The following PDE4D variants were observed in gnomAD, a reference collection of about 807,000 sequenced individuals.
PDE4D encodes phosphodiesterase 4D.
In PDE4D, 24 loss-of-function variants were observed where a neutral mutation model predicts 87.4. The observed-to-expected ratio is 0.27, with a 90% CI of 0.20 to 0.39. The LOEUF (loss-of-function observed/expected upper bound fraction) is 0.39. Among genes scored for constraint, PDE4D ranks in the 10% least tolerant of loss-of-function variants. PDE4D has a pLI of 1.00. For synonymous variants in PDE4D, 384 were observed against 383.2 expected (o/e 1.00, Z -0.02); for missense variants, 714 against 1,041.0 (o/e 0.69, Z 4.32).
At chr5:59,635,655 T>C (rs1274395547) in intron 1 of PDE4D, among the ~76,000 whole-genome samples, 4 of 152,256 alleles carry the variant, frequency 2.6e-5, no homozygotes, top group East Asian at 1.9e-4. Flanking sequence ...ATCAACTCAA[T>C]AGATGCAGAA....
chr5:60,353,608 C>A (rs1451168314), intron 1 of PDE4D, among the ~76,000 whole-genome samples: 2 of 152,170 alleles, frequency 1.3e-5, no homozygotes, highest in Admixed American at 6.5e-5. Flanking sequence ...AACAGACTAG[C>A]ACTTTCATGG....
At chr5:60,291,177 G>A (rs1342452837) in intron 1 of PDE4D, among the ~76,000 whole-genome samples, 2 of 152,150 alleles carry the variant, frequency 1.3e-5, no homozygotes, top group African/African-American at 4.8e-5. Flanking sequence ...CTCCATTACA[G>A]ACTGATAATA....
intron 6 of PDE4D, among the ~76,000 whole-genome samples, chr5:59,013,315 G>GAGAT (rs200548135): frequency 0.21 from 31,233 of 151,884 alleles, 3,628 homozygotes; most frequent in East Asian, 0.54. Flanking sequence ...AGAACTGAAG[G>GAGAT]AGATAGAGAC....
chr5:59,038,799 G>C, intron 6 of PDE4D, 60 bp downstream of exon 6: 1 of 1,390,264 alleles, frequency 7.2e-7, no homozygotes, highest in Non-Finnish European at 9.5e-7. Flanking sequence ...GGTACCAGTG[G>C]CTCGCCGGCA....
intron 1 of PDE4D, among the ~76,000 whole-genome samples, chr5:59,549,589 T>A (rs1053024282): frequency 6.6e-6 from 1 of 152,154 alleles, no homozygotes; most frequent in Non-Finnish European, 1.5e-5. Context: ...AAATGGTAGA[T>A]GAAACATGAA....
At chr5:59,240,673 T>C (rs966894377) in intron 1 of PDE4D, among the ~76,000 whole-genome samples, 42 of 152,114 alleles carry the variant, frequency 2.8e-4, no homozygotes, top group African/African-American at 8.7e-4. Context: ...TTCTAAAACA[T>C]AGCCACCCTG....
intron 1 of PDE4D, among the ~76,000 whole-genome samples, chr5:59,422,299 C>A (rs1371904268): frequency 6.6e-6 from 1 of 152,118 alleles, no homozygotes; most frequent in Non-Finnish European, 1.5e-5. Flanking sequence ...CCCTTAGGGG[C>A]CCTTCTCTCC....
Position 59,434,359 on chromosome 5 carries a change from A to G in PDE4D, c.456-218391T>C, listed in dbSNP as rs1462231217. 2.6e-5 allele frequency among the ~76,000 whole-genome samples: 4 copies of G among 152,094 alleles called. 1 individual carries two copies. The highest frequency in any genetic ancestry group is 3.9e-4 in the East Asian group (2 of 5,158). ...CATCTGTTAATGACCACATCAGAGCATAAGAATTGACTGAACGATTTCCCC... is the reference window on the plus strand; with the variant it reads ...CATCTGTTAATGACCACATCAGAGCGTAAGAATTGACTGAACGATTTCCCC... On this transcript the variant is annotated intron_variant, in intron 1 of 14. Coordinates refer to ENST00000340635, the MANE Select transcript of PDE4D (RefSeq NM_001104631.2).
intron 1 of PDE4D, among the ~76,000 whole-genome samples, chr5:60,420,039 C>A: frequency 6.6e-6 from 1 of 152,138 alleles, no homozygotes. Flanking sequence ...CACCACCATA[C>A]ATTTGCAGAG....
At chr5:59,690,777 C>T (rs1750773731) in intron 1 of PDE4D, among the ~76,000 whole-genome samples, 1 of 152,306 alleles carries the variant, frequency 6.6e-6, no homozygotes, top group South Asian at 2.1e-4. Context: ...TTGGAGTGAA[C>T]AGGCAACCTA....
chr5:59,936,685 G>C (rs527866667), intron 3 of PDE4D, among the ~76,000 whole-genome samples: 190 of 152,238 alleles, frequency 1.2e-3, no homozygotes, highest in African/African-American at 4.5e-3. Flanking sequence ...AAAAGCAGTA[G>C]TCACATCCAA....
chr5:60,426,572 C>G (rs1348362344), intron 1 of PDE4D, among the ~76,000 whole-genome samples: 1 of 152,036 alleles, frequency 6.6e-6, no homozygotes, highest in African/African-American at 2.4e-5. Context: ...AGGAGAGATA[C>G]CTAATGTAAA....
intron 1 of PDE4D, among the ~76,000 whole-genome samples, chr5:60,474,106 A>ATG (rs1554041497): frequency 4.7e-4 from 6 of 12,666 alleles, no homozygotes; most frequent in South Asian, 1.8e-3. Context: ...TTGAGCTGCC[A>ATG]TATATATATA....
At chr5:59,968,922 T>C (rs866491780) in intron 3 of PDE4D, among the ~76,000 whole-genome samples, 1 of 152,048 alleles carries the variant, frequency 6.6e-6, no homozygotes, top group Admixed American at 6.6e-5. Flanking sequence ...AAATTTATTA[T>C]TGACAATTTG....
chr5:60,138,783 T>C (rs1780267869), intron 2 of PDE4D, among the ~76,000 whole-genome samples: 1 of 152,064 alleles, frequency 6.6e-6, no homozygotes, highest in African/African-American at 2.4e-5. Flanking sequence ...GTATAAATGG[T>C]AAATATATAT....
chr5:59,835,386 A>G (rs1437885730), intron 1 of PDE4D, among the ~76,000 whole-genome samples: 5 of 151,974 alleles, frequency 3.3e-5, no homozygotes, highest in Non-Finnish European at 5.9e-5. Flanking sequence ...TCAGTACACA[A>G]ACAGTACTAG....
At chr5:59,922,667 T>G (rs1581749184) in intron 3 of PDE4D, among the ~76,000 whole-genome samples, 1 of 152,062 alleles carries the variant, frequency 6.6e-6, no homozygotes, top group Non-Finnish European at 1.5e-5. Flanking sequence ...ATCTGCTGAC[T>G]AAAGAGCCCT....
intron 1 of PDE4D, among the ~76,000 whole-genome samples, chr5:60,425,586 G>GA (rs200116100): frequency 0.42 from 63,654 of 151,910 alleles, 14,656 homozygotes; most frequent in African/African-American, 0.6. Flanking sequence ...AACCCTAGAA[G>GA]AAACCTAGGC....
chr5:60,327,492 C>A (rs1010702764), intron 1 of PDE4D, among the ~76,000 whole-genome samples: 2 of 152,104 alleles, frequency 1.3e-5, no homozygotes, highest in African/African-American at 2.4e-5. Flanking sequence ...ATTCAAGTGC[C>A]CTTAGTTCAA....
Sources: allele counts gnomAD v4.1 joint callset (sites outside exome capture counted in the v4.1 genomes callset), GRCh38; gene constraint gnomAD v4.1.1; transcripts MANE v1.5; gene names NCBI Gene and HGNC (gene_info 2026-07-23, HGNC 2026-07-21).